Variants in CORIN observed in about 807,000 individuals in gnomAD.
CORIN encodes corin, serine peptidase, also known as atrial natriuretic peptide-converting enzyme.
Under a neutral mutation model 125.3 loss-of-function variants are expected in CORIN, and 117 were observed. The observed-to-expected ratio is 0.93, with a 90% CI of 0.80 to 1.09. The LOEUF (loss-of-function observed/expected upper bound fraction) is 1.09, where lower values mean the gene tolerates loss of function less well. Among genes scored for constraint, CORIN ranks in the 50% least tolerant of loss-of-function variants. The pLI is 0.00. For synonymous variants in CORIN, 450 were observed against 466.4 expected, an observed-to-expected ratio of 0.96 and a Z score of 0.45; for missense variants, 1,253 against 1,306.7, an observed-to-expected ratio of 0.96 and a Z score of 0.63.
At chr4:47,751,150 T>A (rs147545066) in intron 4 of CORIN, among the ~76,000 whole-genome samples, 1 of 152,214 alleles carries the variant, frequency 6.6e-6, no homozygotes, top group Non-Finnish European at 1.5e-5. Context: ...GAAAGCTGTT[T>A]TCATTTCCAC....
intron 10 of CORIN, among the ~76,000 whole-genome samples, chr4:47,665,839 A>G (rs1251177599): frequency 6.6e-6 from 1 of 152,240 alleles, no homozygotes; most frequent in Non-Finnish European, 1.5e-5. Flanking sequence ...AGGCTATTTT[A>G]TACTTCAACC....
Position 47,653,652 on chromosome 4 carries a change from G to A in CORIN, c.1744C>T (p.Pro582Ser), listed in dbSNP as rs1458428497. 6.2e-7 allele frequency: 1 copy of A among 1,613,496 alleles called. No homozygotes were observed. Among genetic ancestry groups the A allele is most frequent in the Non-Finnish European group, 8.5e-7 (1 of 1,179,714 alleles). Residue 582 changes from proline (P) to serine (S), a missense_variant, in exon 13 of 22, where the codon CCT (proline) becomes TCT (serine). Coordinates refer to ENST00000273857, the MANE Select transcript of CORIN (RefSeq NM_006587.4). ...MPDEYVEECS[P>S]SHFKCRSGQC... ...CCTGAGCGGCACTTGAAATGACTAG[G>A]TGAGCATTCTATTAAAAACAATATT...
At chr4:47,677,706 A>G (rs535409556) in intron 9 of CORIN, among the ~76,000 whole-genome samples, 3 of 152,284 alleles carry the variant, frequency 2.0e-5, no homozygotes, top group Non-Finnish European at 4.4e-5. Context: ...GAATCTGACC[A>G]TGCTGTTCAG....
In CORIN at chr4:47,645,100, G is replaced by A; in HGVS notation, c.1938C>T (p.Tyr646=). 6.2e-7 allele frequency: 1 copy of A among 1,604,820 alleles called. No individual in the cohort carries two copies. Among genetic ancestry groups the A allele is most frequent in the Non-Finnish European group, 8.5e-7 (1 of 1,175,594 alleles). The part of the protein sequence containing the change: ...ICDGFPDCPD[Y]MDEKNCSFCQ... The stretch of plus-strand genomic sequence containing the variant: ...ACTTACAGCAGTTTTTCTCGTCCAT[G>A]TAATCAGGGCAGTCTGGGAACCCAT... Residue 646 remains tyrosine, a synonymous_variant, in exon 14 of 22, where the codon TAC becomes TAT. Coordinates refer to ENST00000273857, the MANE Select transcript of CORIN (RefSeq NM_006587.4).
chr4:47,745,495 G>C (rs1360832957), intron 4 of CORIN, among the ~76,000 whole-genome samples: 2 of 152,224 alleles, frequency 1.3e-5, no homozygotes, highest in Non-Finnish European at 2.9e-5. Context: ...TACAATATTA[G>C]ATATGTAACA....
intron 11 of CORIN, among the ~76,000 whole-genome samples, chr4:47,664,223 C>T (rs116531733): frequency 0.014 from 2,194 of 152,286 alleles, 46 homozygotes; most frequent in African/African-American, 0.049. Context: ...ATGCCTAACA[C>T]ATGGCGCAGC....
At chr4:47,660,776 C>CA (rs895749364) in intron 12 of CORIN, among the ~76,000 whole-genome samples, 1 of 152,124 alleles carries the variant, frequency 6.6e-6, no homozygotes, top group East Asian at 1.9e-4. Context: ...AGAGGCTTCT[C>CA]AAAAAACTAA....
chr4:47,753,018 C>T (rs191064766), intron 4 of CORIN, among the ~76,000 whole-genome samples: 423 of 152,236 alleles, frequency 2.8e-3, no homozygotes, highest in African/African-American at 9.3e-3. Context: ...GGGGAACCAG[C>T]CCCCAATATT....
At chr4:47,676,238 C>T (rs909179718) in intron 9 of CORIN, among the ~76,000 whole-genome samples, 3 of 152,190 alleles carry the variant, frequency 2.0e-5, no homozygotes, top group Non-Finnish European at 2.9e-5. Context: ...GGCCCCCTTT[C>T]GTTCTCAGCT....
At chr4:47,806,538 T>G (rs1306380546) in intron 2 of CORIN, among the ~76,000 whole-genome samples, 1 of 152,180 alleles carries the variant, frequency 6.6e-6, no homozygotes, top group Non-Finnish European at 1.5e-5. Flanking sequence ...TGGGACCTTG[T>G]CTATACACTT....
intron 4 of CORIN, among the ~76,000 whole-genome samples, chr4:47,762,775 G>T (rs1037320118): frequency 9.2e-5 from 14 of 152,188 alleles, no homozygotes; most frequent in Admixed American, 9.2e-4. Context: ...TTTGATGAGA[G>T]GCACTGGCAG....
intron 15 of CORIN, chr4:47,642,811 T>C (rs376713360): frequency 6.9e-7 from 1 of 1,441,900 alleles, no homozygotes. Context: ...CAGGTAGAGG[T>C]GACAAAAGAA....
intron 16 of CORIN, among the ~76,000 whole-genome samples, chr4:47,631,469 A>G (rs1722803558): frequency 6.6e-6 from 1 of 151,842 alleles, no homozygotes; most frequent in African/African-American, 2.4e-5. Flanking sequence ...ATGGGAATCA[A>G]ATGCCTGATG....
At chr4:47,747,220 A>G (rs1306940925) in intron 4 of CORIN, among the ~76,000 whole-genome samples, 1 of 152,188 alleles carries the variant, frequency 6.6e-6, no homozygotes, top group East Asian at 1.9e-4. Flanking sequence ...GATCTCAATT[A>G]AGCTTTTAAA....
intron 10 of CORIN, among the ~76,000 whole-genome samples, chr4:47,666,305 T>C (rs1240852716): frequency 6.6e-6 from 1 of 152,240 alleles, no homozygotes; most frequent in Non-Finnish European, 1.5e-5. Flanking sequence ...CCTGAGATTT[T>C]TGTGAAATGA....
At chr4:47,691,623 T>C (rs1725774683) in intron 6 of CORIN, among the ~76,000 whole-genome samples, 1 of 152,092 alleles carries the variant, frequency 6.6e-6, no homozygotes. Context: ...TCTGATGAAA[T>C]AAAAAGTTAG....
At chr4:47,691,860 G>A (rs1725786077) in intron 6 of CORIN, among the ~76,000 whole-genome samples, 1 of 152,162 alleles carries the variant, frequency 6.6e-6, no homozygotes, top group Non-Finnish European at 1.5e-5. Context: ...CAGGACAAAG[G>A]AGCGTCCTAG....
chr4:47,834,599 TAA>T (rs1733281861), intron 1 of CORIN, among the ~76,000 whole-genome samples: 1 of 152,160 alleles, frequency 6.6e-6, no homozygotes, highest in African/African-American at 2.4e-5. Flanking sequence ...GATCTTATGT[TAA>T]GTGTCCTTAT....
rs541402322 is a variant in CORIN at position 47,755,184 on chromosome 4, A to G, written c.617+8195T>C. Among the ~76,000 whole-genome samples, 4 of 152,284 alleles carry G rather than the reference A, an allele frequency of 2.6e-5. No homozygotes were observed. In the South Asian group the frequency reaches 8.3e-4, roughly 32 times the overall value. The stretch of plus-strand genomic sequence containing the variant: ...CACCATTTCCTGAGACAACAATTCT[A>G]TATTTACACAAGTTTATTATCCATA... On this transcript the variant is annotated intron_variant, in intron 4 of 21. Coordinates refer to ENST00000273857, the MANE Select transcript of CORIN (RefSeq NM_006587.4).
Sources: allele counts gnomAD v4.1 joint callset (sites outside exome capture counted in the v4.1 genomes callset), GRCh38; gene constraint gnomAD v4.1.1; transcripts MANE v1.5; gene names NCBI Gene and HGNC (gene_info 2026-07-23, HGNC 2026-07-21).